LDB2: variants seen among roughly 807,000 people sequenced by gnomAD.
The protein encoded by LDB2 is LIM domain binding 2.
A neutral mutation model predicts 44.3 loss-of-function variants in LDB2; 12 were observed. The observed-to-expected ratio is 0.27, with a 90% CI of 0.17 to 0.44. The LOEUF (loss-of-function observed/expected upper bound fraction) is 0.44. Ranked by LOEUF, LDB2 falls within the 20% of genes least tolerant of loss-of-function variation. The probability of loss-of-function intolerance (pLI) is 1.00; values close to 1 mark genes in which losing one functional copy is unlikely to be tolerated. For missense variants in LDB2, 344 were observed against 473.5 expected (o/e 0.73, Z 2.54); for synonymous variants, 164 against 174.8 (o/e 0.94, Z 0.49).
intron 2 of LDB2, among the ~76,000 whole-genome samples, chr4:16,673,628 T>C (rs1163014827): frequency 6.6e-6 from 1 of 152,198 alleles, no homozygotes; most frequent in Admixed American, 6.5e-5. Context: ...TTATAATAAG[T>C]GTCTTCTGGC....
rs1352328342 is a variant in LDB2, at chr4:16,588,773, T to C, written c.468A>G (p.Lys156=). The change falls in exon 4 of 8, where the codon AAA becomes AAG. Residue 156 remains lysine (K), a synonymous_variant. Coordinates refer to ENST00000304523, the MANE Select transcript of LDB2 (RefSeq NM_001290.5). ...EFTFDDLMRI[K]TWHFTIRQYR... ...ATTGTCTAATGGTAAAGTGCCATGT[T>C]TTGATTCTCATGAGATCATCAAAGG... The C allele has an allele frequency of 6.2e-7, 1 of 1,614,098 alleles. No homozygotes were observed. Among genetic ancestry groups the C allele is most frequent in the Non-Finnish European group, 8.5e-7 (1 of 1,179,946 alleles).
Position 16,588,852 on chromosome 4 carries a change from C to T in LDB2, c.409-20G>A, listed in dbSNP as rs575292293. 1.2e-6 allele frequency: 2 copies of T among 1,612,028 alleles called. No individual in the cohort carries two copies. The highest frequency in any genetic ancestry group is 2.2e-5 in the South Asian group (2 of 90,436). ...ACATACCTGGAAGTGACAAACCACACAGTCATTCATTACGCACTTTGTGAA... is the reference window on the plus strand; with the variant it reads ...ACATACCTGGAAGTGACAAACCACATAGTCATTCATTACGCACTTTGTGAA... On this transcript the variant is annotated intron_variant, in intron 3 of 7. Coordinates refer to ENST00000304523, the MANE Select transcript of LDB2 (RefSeq NM_001290.5).
At chr4:16,502,995 C>A in intron 7 of LDB2, 122 bp from the exon 8 acceptor site, 2 of 1,600,420 alleles carry the variant, frequency 1.2e-6, no homozygotes, top group South Asian at 2.2e-5. Flanking sequence ...ACAACGGGGT[C>A]AAGTCTCAAT....
intron 5 of LDB2, among the ~76,000 whole-genome samples, chr4:16,546,350 C>A (rs555279500): frequency 6.6e-6 from 1 of 152,100 alleles, no homozygotes; most frequent in African/African-American, 2.4e-5. Flanking sequence ...CCCCCTACCA[C>A]GTAAAACTAA....
intron 1 of LDB2, among the ~76,000 whole-genome samples, chr4:16,768,145 C>G (rs907081853): frequency 6.6e-6 from 1 of 152,110 alleles, no homozygotes; most frequent in South Asian, 2.1e-4. Context: ...CACATACACC[C>G]CCTCCAAAGA....
intron 2 of LDB2, among the ~76,000 whole-genome samples, chr4:16,732,886 C>T (rs1216363865): frequency 6.6e-6 from 1 of 152,092 alleles, no homozygotes; most frequent in Non-Finnish European, 1.5e-5. Context: ...TATGCAAATC[C>T]ACCCACTTCC....
chr4:16,884,502 T>C (rs775384274), intron 1 of LDB2, among the ~76,000 whole-genome samples: 27 of 152,128 alleles, frequency 1.8e-4, no homozygotes, highest in Non-Finnish European at 3.5e-4. Context: ...GCCTCAGCAG[T>C]GTCAAAATCT....
intron 2 of LDB2, among the ~76,000 whole-genome samples, chr4:16,675,772 T>C (rs1416907979): frequency 1.3e-5 from 2 of 152,214 alleles, no homozygotes; most frequent in African/African-American, 4.8e-5. Context: ...GATCTATCAA[T>C]ATGCTGTCTG....
chr4:16,642,110 C>T (rs371969256), intron 2 of LDB2, among the ~76,000 whole-genome samples: 9 of 152,118 alleles, frequency 5.9e-5, no homozygotes, highest in Non-Finnish European at 8.8e-5. Flanking sequence ...AGTTGCAACA[C>T]AGCACAACTT....
At chr4:16,823,427 T>G (rs1031791638) in intron 1 of LDB2, among the ~76,000 whole-genome samples, 7 of 152,338 alleles carry the variant, frequency 4.6e-5, no homozygotes, top group African/African-American at 1.7e-4. Context: ...TCCAATCCCA[T>G]CCCTGGCCAG....
intron 6 of LDB2, 86 bp from the exon 7 acceptor site, chr4:16,508,772 C>T (rs950914358): frequency 3.6e-5 from 47 of 1,305,470 alleles, no homozygotes; most frequent in Non-Finnish European, 4.8e-5. Context: ...AGGAAGCTGT[C>T]TTGGTAAACT....
At chr4:16,740,285 G>A (rs963000892) in intron 2 of LDB2, among the ~76,000 whole-genome samples, 3 of 152,048 alleles carry the variant, frequency 2.0e-5, no homozygotes, top group Non-Finnish European at 4.4e-5. Context: ...GCACACACTC[G>A]GCTATTTAAA....
intron 1 of LDB2, among the ~76,000 whole-genome samples, chr4:16,887,090 T>C (rs1580499625): frequency 1.7e-5 from 2 of 117,928 alleles, no homozygotes; most frequent in African/African-American, 6.5e-5. Flanking sequence ...ATTGGAAAAC[T>C]GAAAAAGGAG....
chr4:16,821,833 A>G (rs1251997024), intron 1 of LDB2, among the ~76,000 whole-genome samples: 1 of 150,288 alleles, frequency 6.7e-6, no homozygotes, highest in East Asian at 1.9e-4. Context: ...CTCATTTTCT[A>G]CAGTGAAACT....
intron 1 of LDB2, among the ~76,000 whole-genome samples, chr4:16,846,165 G>C (rs1786955821): frequency 6.6e-6 from 1 of 151,934 alleles, no homozygotes; most frequent in Non-Finnish European, 1.5e-5. Context: ...ATAAGGTCTG[G>C]TTCATCTGAT....
chr4:16,892,586 C>T (rs71603336), intron 1 of LDB2, among the ~76,000 whole-genome samples: 8,348 of 152,162 alleles, frequency 0.055, 260 homozygotes, highest in African/African-American at 0.063. Flanking sequence ...TTGAGGCCCA[C>T]CAACCAAATC....
At chr4:16,897,895 AATAT>A (rs1174965862) in intron 1 of LDB2, among the ~76,000 whole-genome samples, 2,029 of 77,296 alleles carry the variant, frequency 0.026, 67 homozygotes, top group Non-Finnish European at 0.042. Flanking sequence ...TAAAAAAGAA[AATAT>A]ATATATATAT....
intron 1 of LDB2, among the ~76,000 whole-genome samples, chr4:16,868,751 G>A (rs1053509532): frequency 3.2e-4 from 48 of 152,096 alleles, no homozygotes; most frequent in African/African-American, 7.7e-4. Context: ...AGTGCCTTTC[G>A]TTAGCCCAGT....
At chr4:16,602,655 T>G (rs901380069) in intron 2 of LDB2, among the ~76,000 whole-genome samples, 1 of 152,184 alleles carries the variant, frequency 6.6e-6, no homozygotes, top group African/African-American at 2.4e-5. Context: ...CAAAACACCA[T>G]GAAAATTTTT....
Sources: gnomAD v4.1 joint callset for allele counts (sites outside exome capture counted in the v4.1 genomes callset) on GRCh38, gnomAD v4.1.1 for gene constraint, MANE v1.5 for transcripts, NCBI Gene and HGNC (gene_info 2026-07-23, HGNC 2026-07-21) for gene names.